The following PHLPP1 variants were observed in gnomAD, a reference collection of about 807,000 sequenced individuals.
The protein encoded by PHLPP1 is PH domain leucine-rich repeat-containing protein phosphatase 1.
PHLPP1 carries 42 observed loss-of-function variants against 117.2 expected under a neutral mutation model. That is an observed-to-expected ratio of 0.36 (90% CI 0.28 to 0.46). The LOEUF is 0.46. Among genes scored for constraint, PHLPP1 ranks in the 20% least tolerant of loss-of-function variants. The probability of loss-of-function intolerance (pLI) is 1.00; values close to 1 mark genes in which losing one functional copy is unlikely to be tolerated. For missense variants in PHLPP1, 2,084 were observed against 2,241.9 expected (o/e 0.93, Z 1.42); for synonymous variants, 1,042 against 970.7 (o/e 1.07, Z -1.37).
chr18:62,776,084 A>C (rs1335268187), intron 1 of PHLPP1, among the ~76,000 whole-genome samples: 9 of 152,112 alleles, frequency 5.9e-5, no homozygotes, highest in Non-Finnish European at 5.9e-5. Flanking sequence ...ATATATATAA[A>C]GAAGTTTATT....
intron 12 of PHLPP1, among the ~76,000 whole-genome samples, chr18:62,956,059 A>C (rs1331031288): frequency 6.6e-6 from 1 of 152,216 alleles, no homozygotes; most frequent in African/African-American, 2.4e-5. Context: ...CAAAAAAGAG[A>C]TGACTGTTTT....
In PHLPP1 at chr18:62,978,750, G is replaced by T. The variant is rs773324146; in HGVS notation, c.4473G>T (p.Gly1491=). The T allele has an allele frequency of 6.8e-6, 11 of 1,613,380 alleles. No individual in the cohort carries two copies. In the South Asian group the frequency reaches 1.1e-4, roughly 16 times the overall value. Residue 1491 remains glycine, a synonymous_variant, in exon 17 of 17, where the codon GGG becomes GGT. Transcript: ENST00000262719. This position sits in a 1 kb window ranked among gnomAD's most constrained non-coding sequence, Gnocchi z 7.0. ...LSTSEMSSEV[G]STASDEPPPG... is the part of the protein sequence containing the mutation. ...CTTCTGAGATGAGCAGCGAGGTGGG[G>T]TCAACAGCCTCCGATGAGCCCCCGC...
intron 14 of PHLPP1, among the ~76,000 whole-genome samples, chr18:62,969,051 T>G (rs1910981643): frequency 6.6e-6 from 1 of 152,056 alleles, no homozygotes; most frequent in Non-Finnish European, 1.5e-5. Context: ...TTTTATGGGT[T>G]TTTTGGGTTT....
rs527788276 is a variant in PHLPP1 at position 62,744,263 on chromosome 18, C to G, written c.1576+27004C>G. Among the ~76,000 whole-genome samples, 3 of 152,372 alleles carry G rather than the reference C, an allele frequency of 2.0e-5. No individual in the cohort carries two copies. In the South Asian group the frequency reaches 6.2e-4, roughly 32 times the overall value. On this transcript the variant is annotated intron_variant, in intron 1 of 16. Transcript: ENST00000262719. ...GCCCGCACCTGGTGCGAGCACACTC[C>G]TCATACAGGCTTCCTGCCTGGTCCC... is the stretch of plus-strand genomic sequence containing the variant.
intron 9 of PHLPP1, among the ~76,000 whole-genome samples, chr18:62,919,257 C>G (rs1318956069): frequency 6.6e-6 from 1 of 152,138 alleles, no homozygotes; most frequent in Non-Finnish European, 1.5e-5. Flanking sequence ...ATTAGATTAA[C>G]AAGTATTCAT....
chr18:62,971,984 C>T (rs1244529600), intron 14 of PHLPP1, among the ~76,000 whole-genome samples: 7 of 151,042 alleles, frequency 4.6e-5, no homozygotes, highest in African/African-American at 7.3e-5. Flanking sequence ...TGCAGTGAGC[C>T]GAGATCACAC....
intron 1 of PHLPP1, among the ~76,000 whole-genome samples, chr18:62,808,906 G>C (rs1014225007): frequency 6.6e-5 from 10 of 151,898 alleles, no homozygotes; most frequent in Non-Finnish European, 1.3e-4. Flanking sequence ...TTCTATTATA[G>C]TTTCTACAAA....
At chr18:62,961,813 T>G (rs1202318963) in intron 13 of PHLPP1, among the ~76,000 whole-genome samples, 1 of 152,222 alleles carries the variant, frequency 6.6e-6, no homozygotes, top group Non-Finnish European at 1.5e-5. Flanking sequence ...ATTTATGTTT[T>G]TCAAGACAAG....
intron 12 of PHLPP1, among the ~76,000 whole-genome samples, chr18:62,950,721 A>G (rs1183858281): frequency 6.6e-6 from 1 of 152,238 alleles, no homozygotes; most frequent in Non-Finnish European, 1.5e-5. Flanking sequence ...AACCAGGAGC[A>G]GTCATTATTA....
At chr18:62,950,444 T>A (rs1457668176) in intron 12 of PHLPP1, among the ~76,000 whole-genome samples, 1 of 152,216 alleles carries the variant, frequency 6.6e-6, no homozygotes, top group Admixed American at 6.5e-5. Flanking sequence ...CAGACTTCGC[T>A]TGGCTGGATT....
rs183174354 is a variant in PHLPP1, at chr18:62,979,531, C to T, written c.*100C>T. 58 of 1,296,130 alleles carry T rather than the reference C, an allele frequency of 4.5e-5. No homozygotes were observed. The highest frequency in any genetic ancestry group is 3.4e-4 in the Admixed American group (13 of 38,334). 80.3% of individuals were successfully genotyped at this position (1,296,130 alleles called of 1,614,324 possible). On this transcript the variant is annotated 3_prime_UTR_variant, in exon 17 of 17. Transcript: ENST00000262719. ...CCAGGGGTTTTACTCCACATCCTTC[C>T]CCCAGACACTGTTCCCAACCTGTCA...
chr18:62,922,378 C>A (rs1219473929), intron 10 of PHLPP1, among the ~76,000 whole-genome samples: 1 of 152,212 alleles, frequency 6.6e-6, no homozygotes, highest in African/African-American at 2.4e-5. Flanking sequence ...CTCAAGTGAT[C>A]CACCCGCCTT....
At chr18:62,834,303 T>C (rs1914832441) in intron 2 of PHLPP1, among the ~76,000 whole-genome samples, 1 of 152,142 alleles carries the variant, frequency 6.6e-6, no homozygotes, top group Non-Finnish European at 1.5e-5. Context: ...GTCACATCGC[T>C]CCACCTTAAT....
Position 62,868,599 on chromosome 18 carries a change from G to A in PHLPP1, c.2066+7998G>A, listed in dbSNP as rs1157362442. Among the ~76,000 whole-genome samples the A allele has an allele frequency of 2.0e-5, 3 of 148,182 alleles. No individual in the cohort carries two copies. In the East Asian group the frequency reaches 5.9e-4, roughly 29 times the overall value. On this transcript the variant is annotated intron_variant, in intron 4 of 16. Coordinates refer to ENST00000262719, the MANE Select transcript of PHLPP1 (RefSeq NM_194449.4). ...ATGGCGCCACTGCACTCCAGCCTGA[G>A]TGACTGAGCGAGACTCTGTCTCAAA...
At chr18:62,972,356 G>A (rs1439287416) in intron 14 of PHLPP1, among the ~76,000 whole-genome samples, 158 bp from the exon 15 acceptor site, 1 of 152,232 alleles carries the variant, frequency 6.6e-6, no homozygotes, top group Non-Finnish European at 1.5e-5. Flanking sequence ...AAAATTGGCT[G>A]TTGGAAATTA....
intron 16 of PHLPP1, 57 bp downstream of exon 16, chr18:62,975,682 T>A: frequency 8.6e-7 from 1 of 1,166,632 alleles, no homozygotes; most frequent in Non-Finnish European, 1.3e-6. Context: ...GGAGACCAGG[T>A]CATAGCAGAA....
At chr18:62,839,220 A>G (rs1007739629) in intron 3 of PHLPP1, 1 of 234,868 alleles carries the variant, frequency 4.3e-6, no homozygotes, top group Non-Finnish European at 8.3e-6. Context: ...CCAGGCTAAG[A>G]CAACTATAAA....
At chr18:62,869,792 G>A (rs901800837) in intron 4 of PHLPP1, among the ~76,000 whole-genome samples, 31 of 152,340 alleles carry the variant, frequency 2.0e-4, no homozygotes, top group African/African-American at 7.5e-4. Context: ...TAAGCATGGG[G>A]AAGATAGGCC....
In PHLPP1 at chr18:62,817,337, A is replaced by C. The variant is rs74965753; in HGVS notation, c.1577-12698A>C. 1.3e-3 allele frequency among the ~76,000 whole-genome samples: 199 copies of C among 152,318 alleles called. 5 individuals are homozygous for C. The East Asian group carries it at 0.034, about 26-fold the overall frequency. On this transcript the variant is annotated intron_variant, in intron 1 of 16. Coordinates refer to ENST00000262719, the MANE Select transcript of PHLPP1 (RefSeq NM_194449.4). ...TATTTTAGTTATGTTCCATATATTC[A>C]TGAAAATAAAAGAAAGCATTTGCAT...
Sources: allele counts gnomAD v4.1 joint callset (sites outside exome capture counted in the v4.1 genomes callset), GRCh38; gene constraint gnomAD v4.1.1; non-coding constraint Gnocchi (gnomAD v3.1); transcripts MANE v1.5; gene names NCBI Gene and HGNC (gene_info 2026-07-23, HGNC 2026-07-21).